The following GRHL2 variants were observed in gnomAD, a reference collection of about 807,000 sequenced individuals.
GRHL2 encodes the protein grainyhead-like protein 2 homolog.
A neutral mutation model predicts 83.8 loss-of-function variants in GRHL2; 21 were observed. That is an observed-to-expected ratio of 0.25 (90% CI 0.18 to 0.36). The LOEUF is 0.36. Ranked by LOEUF, GRHL2 falls within the 10% of genes least tolerant of loss-of-function variation. The pLI, the probability that GRHL2 is intolerant of heterozygous loss-of-function variation, is 1.00. For synonymous variants in GRHL2, 280 were observed against 278.9 expected (o/e 1.00, Z -0.04); for missense variants, 623 against 781.8 (o/e 0.80, Z 2.42).
chr8:101,567,410 C>T (rs1186130667), intron 4 of GRHL2, among the ~76,000 whole-genome samples: 2 of 152,128 alleles, frequency 1.3e-5, no homozygotes, highest in Non-Finnish European at 2.9e-5. Context: ...GCCAGAATGA[C>T]CTGAGCATTT....
Position 101,558,827 on chromosome 8 carries a change from C to A in GRHL2, c.678+15C>A. The A allele has an allele frequency of 6.2e-7, 1 of 1,613,052 alleles. No individual in the cohort carries two copies. Among genetic ancestry groups the A allele is most frequent in the Non-Finnish European group, 8.5e-7 (1 of 1,179,574 alleles). On this transcript the variant is annotated intron_variant, in intron 4 of 15. Transcript: ENST00000646743. ...CAGCCACAGAGGTGAGTCCCAGGCT[C>A]CATCGACGGCCAGAACCCAAACCCA...
intron 1 of GRHL2, among the ~76,000 whole-genome samples, chr8:101,513,557 C>T (rs371858593): frequency 4.7e-5 from 6 of 127,306 alleles, no homozygotes; most frequent in Non-Finnish European, 9.4e-5. Context: ...TGCATTGGCT[C>T]GATCTCAGCT....
chr8:101,492,666 C>A lies in GRHL2; in HGVS notation c.-104C>A. On this transcript the variant is annotated 5_prime_UTR_variant, in exon 1 of 16. Coordinates refer to ENST00000646743, the MANE Select transcript of GRHL2 (RefSeq NM_024915.4). ...GAATTACCTGTAGCTCTTGTTCTGC[C>A]ATCTCGGGCGCTCTCACACACCTTC... is the stretch of plus-strand genomic sequence containing the variant. 1 of 904,974 alleles carries A rather than the reference C, an allele frequency of 1.1e-6. No individual in the cohort carries two copies. Among genetic ancestry groups the A allele is most frequent in the East Asian group, 2.4e-5 (1 of 41,814 alleles). The allele number at this position is 904,974 out of a possible 1,614,324, so 56.1% of individuals were successfully genotyped here.
At chr8:101,652,508 GTGGTGTGTGTGTGGT>G in intron 14 of GRHL2, among the ~76,000 whole-genome samples, 1 of 85,714 alleles carries the variant, frequency 1.2e-5, no homozygotes. Context: ...GTGTGTGTGT[GTGGTGTGTGTGTGGT>G]GTGTGTGTGG....
chr8:101,636,379 C>A (rs1200309810), intron 11 of GRHL2, among the ~76,000 whole-genome samples: 4 of 152,120 alleles, frequency 2.6e-5, no homozygotes, highest in Non-Finnish European at 5.9e-5. Flanking sequence ...ATACCCCGGG[C>A]CCCTTTGGGG....
intron 1 of GRHL2, among the ~76,000 whole-genome samples, chr8:101,533,860 G>A (rs1276312011): frequency 2.6e-5 from 4 of 152,188 alleles, no homozygotes; most frequent in Non-Finnish European, 5.9e-5. Flanking sequence ...ATGAGAATGA[G>A]TGAGAAGGAG....
At chr8:101,648,756 C>G (rs1415607701) in intron 13 of GRHL2, among the ~76,000 whole-genome samples, 2 of 152,186 alleles carry the variant, frequency 1.3e-5, no homozygotes, top group Non-Finnish European at 2.9e-5. Flanking sequence ...TCCCTCTTCT[C>G]CCTTTCTCCC....
intron 13 of GRHL2, among the ~76,000 whole-genome samples, chr8:101,646,137 G>A (rs1377287685): frequency 6.6e-6 from 1 of 152,180 alleles, no homozygotes; most frequent in African/African-American, 2.4e-5. Context: ...AAAGTGCTGG[G>A]ATTACAGGTA....
intron 1 of GRHL2, among the ~76,000 whole-genome samples, chr8:101,506,849 T>A (rs1810350782): frequency 8.0e-6 from 1 of 124,602 alleles, no homozygotes; most frequent in Non-Finnish European, 1.8e-5. Flanking sequence ...AAAAAAAAAA[T>A]TGCAATTTGA....
intron 1 of GRHL2, among the ~76,000 whole-genome samples, chr8:101,516,749 C>T (rs906297476): frequency 6.6e-6 from 1 of 152,226 alleles, no homozygotes; most frequent in African/African-American, 2.4e-5. Flanking sequence ...GAAATAAATA[C>T]TGCTATTTCT....
chr8:101,573,240 C>CAA (rs76573673), intron 5 of GRHL2, among the ~76,000 whole-genome samples: 162 of 78,832 alleles, frequency 2.1e-3, no homozygotes, highest in African/African-American at 5.8e-3. Flanking sequence ...CTTGGTTAGA[C>CAA]AAAAAAAAAA....
downstream of GRHL2, among the ~76,000 whole-genome samples, chr8:101,671,452 G>C (rs144043382): frequency 3.8e-3 from 573 of 152,246 alleles, 8 homozygotes; most frequent in East Asian, 0.056. Context: ...AGGCGGCAGC[G>C]ATGCTGGGGG....
At chr8:101,639,905 C>T (rs1326852910) in intron 12 of GRHL2, among the ~76,000 whole-genome samples, 1 of 152,216 alleles carries the variant, frequency 6.6e-6, no homozygotes, top group East Asian at 1.9e-4. Context: ...CATTAGTGTT[C>T]AAGTATGCAA....
chr8:101,505,847 T>C (rs1484575305), intron 1 of GRHL2, among the ~76,000 whole-genome samples: 1 of 152,236 alleles, frequency 6.6e-6, no homozygotes, highest in Non-Finnish European at 1.5e-5. Context: ...TCGTTATGCT[T>C]GTTAGCCTTC....
chr8:101,604,193 C>T (rs1041740867), intron 8 of GRHL2, among the ~76,000 whole-genome samples: 3 of 151,932 alleles, frequency 2.0e-5, no homozygotes, highest in African/African-American at 4.8e-5. Flanking sequence ...AATTTTCTTT[C>T]TCTCCTTACC....
chr8:101,650,778 T>C (rs1221903114), intron 14 of GRHL2, among the ~76,000 whole-genome samples: 2 of 151,500 alleles, frequency 1.3e-5, no homozygotes, highest in African/African-American at 4.9e-5. Flanking sequence ...TTATACACTT[T>C]AAGATGGTTA....
intron 8 of GRHL2, among the ~76,000 whole-genome samples, chr8:101,616,461 A>T (rs533719784): frequency 1.3e-5 from 2 of 152,224 alleles, no homozygotes; most frequent in East Asian, 3.9e-4. Context: ...GTGAGCCACC[A>T]CGCCCAGCCT....
At chr8:101,603,188 A>G (rs927025757) in intron 8 of GRHL2, among the ~76,000 whole-genome samples, 7 of 152,184 alleles carry the variant, frequency 4.6e-5, no homozygotes, top group African/African-American at 7.2e-5. Context: ...TTTATATATC[A>G]TCTTTGAAGC....
intron 2 of GRHL2, among the ~76,000 whole-genome samples, chr8:101,550,660 A>G (rs1206469632): frequency 6.6e-6 from 1 of 152,238 alleles, no homozygotes; most frequent in Non-Finnish European, 1.5e-5. Flanking sequence ...GTTCTGTGGC[A>G]TTAAGTACAT....
Sources: allele counts gnomAD v4.1 joint callset (sites outside exome capture counted in the v4.1 genomes callset), GRCh38; gene constraint gnomAD v4.1.1; transcripts MANE v1.5; gene names NCBI Gene and HGNC (gene_info 2026-07-23, HGNC 2026-07-21).